The following SF3B3 variants were observed in gnomAD, a reference collection of about 807,000 sequenced individuals.
SF3B3 encodes SAP 130.
In SF3B3, 33 loss-of-function variants were observed where a neutral mutation model predicts 139.2. The ratio of observed to expected loss-of-function variants is 0.24; its 90% CI spans 0.18 to 0.32. The LOEUF (loss-of-function observed/expected upper bound fraction) is 0.32. SF3B3 is among the 10% of genes least tolerant of loss of function. The pLI is 1.00. For missense variants in SF3B3, 818 were observed against 1,509.4 expected, an observed-to-expected ratio of 0.54 and a Z score of 7.59; for synonymous variants, 596 against 563.6, an observed-to-expected ratio of 1.06 and a Z score of -0.81.
chr16:70,548,565 C>G lies in SF3B3; in HGVS notation c.1402+123C>G, dbSNP rs1448425158. The G allele has an allele frequency of 3.7e-6, 3 of 804,736 alleles. No homozygotes were observed. In the African/African-American group the frequency reaches 5.1e-5, roughly 14 times the overall value. 49.8% of individuals were successfully genotyped at this position (804,736 alleles called of 1,614,324 possible). A position where few individuals can be genotyped will look rare whatever the true frequency, so the allele number is the denominator to read the frequency against. On this transcript the variant is annotated intron_variant, in intron 11 of 25. Transcript: ENST00000302516. ...TTTAGCACCATATACCAGAAACTTT[C>G]TGGCCCAACACTGTTTTTGAGGCTC...
intron 8 of SF3B3, among the ~76,000 whole-genome samples, chr16:70,541,343 T>TA (rs1485977156): frequency 5.3e-5 from 8 of 152,254 alleles, no homozygotes; most frequent in Non-Finnish European, 1.5e-5. Flanking sequence ...TTGTCAGAAA[T>TA]ACGATTTGCA....
At chr16:70,562,289 C>T (rs1362109233) in intron 17 of SF3B3, among the ~76,000 whole-genome samples, 2 of 152,142 alleles carry the variant, frequency 1.3e-5, no homozygotes, top group African/African-American at 2.4e-5. Flanking sequence ...ATAATTCAGT[C>T]AGTTTGGCTT....
chr16:70,526,630 T>C lies in SF3B3; in HGVS notation c.-27T>C. The C allele has an allele frequency of 6.3e-7, 1 of 1,594,308 alleles. No individual in the cohort carries two copies. Among genetic ancestry groups the C allele is most frequent in the East Asian group, 2.2e-5 (1 of 44,754 alleles). On this transcript the variant is annotated 5_prime_UTR_variant, in exon 2 of 26. Transcript: ENST00000302516. ...TGTTGGTGTAACCAAGGCCTGGAGGTCTGGGTGGCTCAGGTTTCCTGCAGC... is the reference window on the plus strand; with the variant it reads ...TGTTGGTGTAACCAAGGCCTGGAGGCCTGGGTGGCTCAGGTTTCCTGCAGC...
chr16:70,530,727 T>TA lies in SF3B3; in HGVS notation c.398-17dup. On this transcript the variant is annotated splice_polypyrimidine_tract_variant and intron_variant, in intron 3 of 25. Coordinates refer to ENST00000302516, the MANE Select transcript of SF3B3 (RefSeq NM_012426.5). ...CATTATCTGGGAATCTTGTATGTTTTATCTCCTTCAACTACAGGTGCCATT... is the reference window on the plus strand; with the variant it reads ...CATTATCTGGGAATCTTGTATGTTTTAATCTCCTTCAACTACAGGTGCCATT... 1 of 1,600,914 alleles carries TA rather than the reference T, an allele frequency of 6.2e-7. No homozygotes were observed. Among genetic ancestry groups the TA allele is most frequent in the Non-Finnish European group, 8.5e-7 (1 of 1,173,418 alleles).
At chr16:70,545,590 A>G (rs975440543) in intron 10 of SF3B3, among the ~76,000 whole-genome samples, 1 of 152,206 alleles carries the variant, frequency 6.6e-6, no homozygotes, top group Admixed American at 6.5e-5. Flanking sequence ...TTCCTATAAC[A>G]GTTTGTTTTG....
At chr16:70,531,062 C>A (rs1285101771) in intron 4 of SF3B3, 145 bp downstream of exon 4, 4 of 678,600 alleles carry the variant, frequency 5.9e-6, no homozygotes, top group Non-Finnish European at 7.7e-6. Context: ...GTCAGGAGAT[C>A]GAGACCATTC....
At position 70,547,299 on chromosome 16, in the gene SF3B3, G is replaced by A. The variant is rs141305928; in HGVS notation, c.1330-1071G>A. ...TCTTCCTATAAGATGTGGGTTACAC[G>A]TTATATATAAGTGGCTAGTTTATTG... On this transcript the variant is annotated intron_variant, in intron 10 of 25. Coordinates refer to ENST00000302516, the MANE Select transcript of SF3B3 (RefSeq NM_012426.5). 3.5e-3 allele frequency among the ~76,000 whole-genome samples: 531 copies of A among 152,262 alleles called. 7 individuals carry two copies. The highest frequency in any genetic ancestry group is 0.012 in the African/African-American group (491 of 41,562).
intron 5 of SF3B3, 125 bp from the exon 6 acceptor site, chr16:70,535,183 T>G: frequency 3.7e-6 from 2 of 546,078 alleles, no homozygotes; most frequent in East Asian, 6.0e-5. Flanking sequence ...GAGAAACACA[T>G]GAAATGTTTC....
intron 11 of SF3B3, among the ~76,000 whole-genome samples, chr16:70,553,784 A>G (rs2050351995): frequency 6.6e-6 from 1 of 152,200 alleles, no homozygotes; most frequent in African/African-American, 2.4e-5. Context: ...AGAAAAAGCA[A>G]ATTCTAATAG....
intron 4 of SF3B3, among the ~76,000 whole-genome samples, chr16:70,531,955 G>T (rs1361759314): frequency 6.6e-6 from 1 of 152,188 alleles, no homozygotes; most frequent in African/African-American, 2.4e-5. Flanking sequence ...AGTCCTAGCT[G>T]CTTGGGAGCC....
intron 17 of SF3B3, among the ~76,000 whole-genome samples, chr16:70,562,240 T>C (rs2050435808): frequency 1.3e-5 from 2 of 152,238 alleles, no homozygotes. Flanking sequence ...GTTTGAGCAC[T>C]GTATGTAATA....
intron 20 of SF3B3, among the ~76,000 whole-genome samples, chr16:70,566,152 A>G (rs930486902): frequency 1.3e-5 from 2 of 151,782 alleles, no homozygotes; most frequent in African/African-American, 4.8e-5. Context: ...TTCCACCTGC[A>G]TTCTCTGGGA....
In SF3B3 at chr16:70,532,587, C is replaced by G. The variant is rs374653715; in HGVS notation, c.679C>G (p.Pro227Ala). 1 of 1,613,984 alleles carries G rather than the reference C, an allele frequency of 6.2e-7. No homozygotes were observed. Among genetic ancestry groups the G allele is most frequent in the African/African-American group, 1.3e-5 (1 of 74,902 alleles). ...TCATGTGGTCCGAAAATACAGTGAA[C>G]CTTTGGAGGAACACGGCAACTTCCT... is the stretch of plus-strand genomic sequence containing the variant. Reference protein sequence around the residue: ...LNHVVRKYSEPLEEHGNFLIT... With the variant: ...LNHVVRKYSEALEEHGNFLIT... Residue 227 changes from proline to alanine, a missense_variant, in exon 5 of 26, where the codon CCT becomes GCT. Coordinates refer to ENST00000302516, the MANE Select transcript of SF3B3 (RefSeq NM_012426.5).
intron 17 of SF3B3, among the ~76,000 whole-genome samples, chr16:70,563,356 T>C (rs1374087579): frequency 6.6e-6 from 1 of 152,212 alleles, no homozygotes; most frequent in Non-Finnish European, 1.5e-5. Flanking sequence ...GTACCTGGGT[T>C]CTGCTCATTT....
At chr16:70,565,545 C>T in intron 20 of SF3B3, 21 bp downstream of exon 20, 2 of 1,601,862 alleles carry the variant, frequency 1.2e-6, no homozygotes, top group South Asian at 2.2e-5. Flanking sequence ...GCCAGTGGTT[C>T]TCCTAGATTT....
chr16:70,558,028 C>A (rs1567421128), intron 15 of SF3B3, among the ~76,000 whole-genome samples: 2 of 152,088 alleles, frequency 1.3e-5, no homozygotes, highest in South Asian at 4.1e-4. Context: ...CTTCATCTTT[C>A]TTTTTATGTC....
chr16:70,554,333 T>A (rs750146972), intron 11 of SF3B3, 113 bp from the exon 12 acceptor site: 12 of 966,670 alleles, frequency 1.2e-5, no homozygotes, highest in Non-Finnish European at 1.8e-5. Context: ...GTGTAATAAC[T>A]ACACATAGAA....
chr16:70,523,846 C>T lies in SF3B3; in HGVS notation c.-153C>T, dbSNP rs1037582592. 4 of 529,550 alleles carry T rather than the reference C, an allele frequency of 7.6e-6. No homozygotes were observed. The highest frequency in any genetic ancestry group is 3.1e-5 in the East Asian group (1 of 32,262). 32.8% of individuals were successfully genotyped at this position (529,550 alleles called of 1,614,324 possible). On this transcript the variant is annotated 5_prime_UTR_variant, in exon 1 of 26. Transcript: ENST00000302516. ...TGTCTTGAGGTCTAATGGCGGACGC[C>T]AGTATGTTGGAGTTGGTGGTGGCTT...
chr16:70,561,929 T>C, intron 17 of SF3B3, 145 bp downstream of exon 17: 1 of 671,946 alleles, frequency 1.5e-6, no homozygotes, highest in Non-Finnish European at 2.5e-6. Flanking sequence ...ATTGAAACCT[T>C]CATTTGGCTC....
Sources: allele counts gnomAD v4.1 joint callset (sites outside exome capture counted in the v4.1 genomes callset), GRCh38; gene constraint gnomAD v4.1.1; transcripts MANE v1.5; gene names NCBI Gene and HGNC (gene_info 2026-07-23, HGNC 2026-07-21).